The following FHIT variants were observed in gnomAD, a reference collection of about 807,000 sequenced individuals.
The protein encoded by FHIT is fragile histidine triad diadenosine triphosphatase.
FHIT carries 19 observed loss-of-function variants against 17.9 expected under a neutral mutation model. That is an observed-to-expected ratio of 1.06 (90% CI 0.74 to 1.56). The LOEUF is 1.56. FHIT is among the 40% of genes most tolerant of loss of function. The pLI is 0.00. For missense variants in FHIT, 248 were observed against 189.2 expected, an observed-to-expected ratio of 1.31 and a Z score of -1.82; for synonymous variants, 81 against 69.7, an observed-to-expected ratio of 1.16 and a Z score of -0.81.
At chr3:60,693,901 T>A (rs2041052328) in intron 4 of FHIT, among the ~76,000 whole-genome samples, 1 of 152,236 alleles carries the variant, frequency 6.6e-6, no homozygotes, top group African/African-American at 2.4e-5. Flanking sequence ...CAGCACTGAA[T>A]AGAAAGAGGC....
intron 5 of FHIT, among the ~76,000 whole-genome samples, chr3:60,151,951 T>A (rs928083519): frequency 6.6e-6 from 1 of 152,294 alleles, no homozygotes; most frequent in South Asian, 2.1e-4. Flanking sequence ...ATAATCCCTA[T>A]GGGCACAAGT....
At chr3:60,931,043 G>C (rs1707923354) in intron 3 of FHIT, among the ~76,000 whole-genome samples, 1 of 152,158 alleles carries the variant, frequency 6.6e-6, no homozygotes, top group African/African-American at 2.4e-5. Flanking sequence ...CATAAAAATT[G>C]ATGAGTTCAT....
intron 5 of FHIT, among the ~76,000 whole-genome samples, chr3:60,189,780 A>C (rs1266974227): frequency 6.6e-6 from 1 of 152,220 alleles, no homozygotes; most frequent in African/African-American, 2.4e-5. Flanking sequence ...CTACTTTGCT[A>C]AGGACTGAAA....
At chr3:60,616,110 T>C (rs182228000) in intron 4 of FHIT, among the ~76,000 whole-genome samples, 71 of 152,352 alleles carry the variant, frequency 4.7e-4, no homozygotes, top group South Asian at 1.5e-3. Context: ...TCTAGGTTCT[T>C]CTATTCCACA....
intron 8 of FHIT, among the ~76,000 whole-genome samples, chr3:59,885,746 G>T (rs201857838): frequency 6.6e-6 from 1 of 152,266 alleles, no homozygotes; most frequent in East Asian, 1.9e-4. Flanking sequence ...CTCAAGGCAT[G>T]TATAAAGGAC....
intron 5 of FHIT, among the ~76,000 whole-genome samples, chr3:60,210,539 C>T (rs58916161): frequency 3.4e-5 from 5 of 148,872 alleles, no homozygotes; most frequent in African/African-American, 4.9e-5. Flanking sequence ...TACACCAGGG[C>T]TGCAAAATCA....
intron 5 of FHIT, among the ~76,000 whole-genome samples, chr3:60,498,833 C>T (rs74696695): frequency 0.096 from 14,398 of 149,824 alleles, 820 homozygotes; most frequent in South Asian, 0.22. Context: ...TTAAGCTCAA[C>T]TTAAAAAAAA....
intron 1 of FHIT, among the ~76,000 whole-genome samples, chr3:61,240,127 T>C (rs1383703360): frequency 6.6e-6 from 1 of 152,134 alleles, no homozygotes; most frequent in African/African-American, 2.4e-5. Context: ...TTATCCCTGC[T>C]CAGAGGAGCC....
chr3:61,182,567 A>G (rs893643014), intron 2 of FHIT, among the ~76,000 whole-genome samples: 2 of 152,204 alleles, frequency 1.3e-5, no homozygotes, highest in African/African-American at 4.8e-5. Context: ...CATTCATCTC[A>G]TCTCATGTAC....
At chr3:60,347,604 G>T (rs1710846749) in intron 5 of FHIT, among the ~76,000 whole-genome samples, 1 of 131,206 alleles carries the variant, frequency 7.6e-6, no homozygotes, top group Admixed American at 9.2e-5. Flanking sequence ...TCATTCTACA[G>T]CCCCGAGATG....
chr3:61,234,212 C>T (rs1466910096), intron 1 of FHIT, among the ~76,000 whole-genome samples: 3 of 152,162 alleles, frequency 2.0e-5, no homozygotes, highest in Admixed American at 6.5e-5. Flanking sequence ...GGGAGCACTG[C>T]TTGCTGCAAA....
chr3:60,336,314 A>C (rs1376806627), intron 5 of FHIT, among the ~76,000 whole-genome samples: 2 of 152,208 alleles, frequency 1.3e-5, no homozygotes, highest in African/African-American at 4.8e-5. Flanking sequence ...CCCTGACCAA[A>C]AGGAAGTCTC....
chr3:60,130,655 G>T (rs573019499), intron 5 of FHIT, among the ~76,000 whole-genome samples: 1 of 151,454 alleles, frequency 6.6e-6, no homozygotes, highest in Non-Finnish European at 1.5e-5. Flanking sequence ...ACCCCACATT[G>T]TTGAAAAATT....
intron 5 of FHIT, among the ~76,000 whole-genome samples, chr3:60,450,375 G>T (rs558670473): frequency 9.2e-5 from 14 of 151,998 alleles, no homozygotes; most frequent in African/African-American, 3.4e-4. Context: ...ATATATATAT[G>T]TGTATATATC....
intron 5 of FHIT, among the ~76,000 whole-genome samples, chr3:60,250,130 G>A (rs1179495554): frequency 6.6e-6 from 1 of 151,774 alleles, no homozygotes; most frequent in African/African-American, 2.4e-5. Flanking sequence ...GAAAAAAGGG[G>A]AAAGAGAAAA....
chr3:61,044,884 T>A (rs4688207), intron 2 of FHIT, among the ~76,000 whole-genome samples: 2 of 152,094 alleles, frequency 1.3e-5, no homozygotes, highest in Admixed American at 6.5e-5. Context: ...GCCAAACTAA[T>A]CTTCACAAGT....
intron 4 of FHIT, among the ~76,000 whole-genome samples, chr3:60,811,778 C>T (rs571139230): frequency 3.3e-5 from 5 of 151,758 alleles, no homozygotes; most frequent in Admixed American, 6.6e-5. Flanking sequence ...CTTCTAGTTA[C>T]GAGGAAAAAA....
At chr3:60,120,184 G>A (rs573784800) in intron 5 of FHIT, among the ~76,000 whole-genome samples, 10 of 152,266 alleles carry the variant, frequency 6.6e-5, no homozygotes, top group African/African-American at 1.9e-4. Flanking sequence ...TGAGCATGTA[G>A]TCTTGCCTGA....
chr3:60,700,518 TTTTATGTTAA>T, intron 4 of FHIT, among the ~76,000 whole-genome samples: 1 of 151,624 alleles, frequency 6.6e-6, no homozygotes, highest in South Asian at 2.1e-4. Flanking sequence ...CATGTGCTGT[TTTTATGTTAA>T]TGTTATTTGT....
Sources: gnomAD v4.1 joint callset for allele counts (sites outside exome capture counted in the v4.1 genomes callset) on GRCh38, gnomAD v4.1.1 for gene constraint, MANE v1.5 for transcripts, NCBI Gene and HGNC (gene_info 2026-07-23, HGNC 2026-07-21) for gene names.